CTNNA3: variants seen among roughly 807,000 people sequenced by gnomAD.
CTNNA3 encodes the protein catenin alpha-3.
Under a neutral mutation model 95.7 loss-of-function variants are expected in CTNNA3, and 76 were observed. That is an observed-to-expected ratio of 0.79 (90% CI 0.66 to 0.96). The LOEUF is 0.96. CTNNA3 is among the 40% of genes least tolerant of loss of function. CTNNA3 has a pLI of 0.00. For missense variants in CTNNA3, 1,191 were observed against 1,089.8 expected, an observed-to-expected ratio of 1.09 and a Z score of -1.31; for synonymous variants, 431 against 374.4, an observed-to-expected ratio of 1.15 and a Z score of -1.74.
intron 13 of CTNNA3, among the ~76,000 whole-genome samples, chr10:66,157,499 A>C (rs757148845): frequency 4.4e-5 from 1 of 22,720 alleles, no homozygotes; most frequent in African/African-American, 1.2e-4. Flanking sequence ...ATGTAGATAG[A>C]TAGATAGATA....
chr10:66,073,287 A>G (rs2080479188), intron 14 of CTNNA3, among the ~76,000 whole-genome samples: 1 of 152,266 alleles, frequency 6.6e-6, no homozygotes, highest in East Asian at 1.9e-4. Flanking sequence ...CACCACAAAG[A>G]TGATAACTGT....
intron 7 of CTNNA3, among the ~76,000 whole-genome samples, chr10:67,006,513 T>C (rs7907118): frequency 1.2e-4 from 16 of 138,828 alleles, no homozygotes; most frequent in African/African-American, 4.2e-4. Context: ...AGCTTTTTCC[T>C]GGGACAAATC....
At chr10:67,683,891 G>A (rs759784183) in intron 1 of CTNNA3, among the ~76,000 whole-genome samples, 7 of 152,286 alleles carry the variant, frequency 4.6e-5, no homozygotes, top group South Asian at 2.1e-4. Flanking sequence ...TGTTCCTCCC[G>A]ATGGGTTCAC....
At chr10:66,459,888 ATTAT>A (rs1272913120) in intron 11 of CTNNA3, among the ~76,000 whole-genome samples, 9 of 152,148 alleles carry the variant, frequency 5.9e-5, no homozygotes, top group Admixed American at 2.0e-4. Flanking sequence ...GCATTTAGTA[ATTAT>A]TTATTTATTT....
intron 14 of CTNNA3, among the ~76,000 whole-genome samples, chr10:66,090,965 T>A (rs766183269): frequency 4.6e-5 from 7 of 151,988 alleles, no homozygotes; most frequent in Non-Finnish European, 8.8e-5. Flanking sequence ...ATTTTTAGAA[T>A]ATTAGAAAGC....
chr10:67,154,151 T>C (rs1490847644), intron 7 of CTNNA3, among the ~76,000 whole-genome samples: 1 of 152,186 alleles, frequency 6.6e-6, no homozygotes, highest in Non-Finnish European at 1.5e-5. Context: ...CTATACATAT[T>C]ATAAGTTAAT....
chr10:65,975,491 G>A (rs1039126162), intron 16 of CTNNA3, among the ~76,000 whole-genome samples: 2 of 151,994 alleles, frequency 1.3e-5, no homozygotes, highest in Non-Finnish European at 2.9e-5. Flanking sequence ...CACATGCTAT[G>A]GAAACTAATT....
intron 7 of CTNNA3, among the ~76,000 whole-genome samples, chr10:66,813,077 A>G (rs1841943961): frequency 6.6e-6 from 1 of 152,174 alleles, no homozygotes; most frequent in South Asian, 2.1e-4. Context: ...CAGACTGGCT[A>G]TTACAAATTT....
intron 13 of CTNNA3, among the ~76,000 whole-genome samples, chr10:66,112,197 G>A (rs2082146148): frequency 6.6e-6 from 1 of 152,070 alleles, no homozygotes; most frequent in Admixed American, 6.6e-5. Context: ...GCCACCAGAG[G>A]GAGAAGGCAT....
At chr10:67,114,319 G>C (rs187457927) in intron 7 of CTNNA3, among the ~76,000 whole-genome samples, 2 of 151,942 alleles carry the variant, frequency 1.3e-5, no homozygotes, top group Admixed American at 6.6e-5. Context: ...CTTAGACAAG[G>C]TTCTGGATTA....
intron 7 of CTNNA3, among the ~76,000 whole-genome samples, chr10:67,035,042 T>G (rs1183434281): frequency 6.6e-6 from 1 of 152,206 alleles, no homozygotes; most frequent in Non-Finnish European, 1.5e-5. Flanking sequence ...CAGTTAGAAG[T>G]GCTCACTGTA....
chr10:66,033,328 G>A (rs887640259), intron 15 of CTNNA3, among the ~76,000 whole-genome samples: 11 of 151,670 alleles, frequency 7.3e-5, no homozygotes, highest in African/African-American at 2.7e-4. Context: ...GTAGAGACAG[G>A]GTTTCACCAT....
At chr10:67,685,797 T>A (rs1840720398) in intron 1 of CTNNA3, among the ~76,000 whole-genome samples, 1 of 152,202 alleles carries the variant, frequency 6.6e-6, no homozygotes, top group Non-Finnish European at 1.5e-5. Flanking sequence ...CATCTGTCTG[T>A]CTCTTTCTCT....
chr10:66,562,482 T>C (rs184988098), intron 10 of CTNNA3, among the ~76,000 whole-genome samples: 12 of 152,156 alleles, frequency 7.9e-5, no homozygotes, highest in African/African-American at 1.9e-4. Context: ...AGTCCTCCTC[T>C]ATCCTTTACT....
chr10:66,394,550 TA>T (rs71035137), intron 11 of CTNNA3, among the ~76,000 whole-genome samples: 26,047 of 127,978 alleles, frequency 0.2, 2,930 homozygotes, highest in African/African-American at 0.36. Context: ...AGCACTGGGT[TA>T]AAAAAAAAAA....
intron 12 of CTNNA3, among the ~76,000 whole-genome samples, chr10:66,331,368 TTTTG>T (rs2092328320): frequency 9.1e-6 from 1 of 110,144 alleles, no homozygotes; most frequent in East Asian, 2.8e-4. Flanking sequence ...TTTTTTTTTT[TTTTG>T]AGACGGAGTT....
intron 1 of CTNNA3, among the ~76,000 whole-genome samples, chr10:67,709,911 A>G (rs543394370): frequency 1.3e-5 from 2 of 152,290 alleles, no homozygotes; most frequent in Admixed American, 1.3e-4. Context: ...ATTCTTCTTT[A>G]TCAATGCTTT....
chr10:66,231,976 C>G (rs1344626415), intron 13 of CTNNA3, among the ~76,000 whole-genome samples: 1 of 152,154 alleles, frequency 6.6e-6, no homozygotes, highest in Admixed American at 6.5e-5. Context: ...TTCTGTTTCA[C>G]CATCTAAACA....
In CTNNA3 at chr10:66,255,653, T is replaced by C. The variant is rs116724278; in HGVS notation, c.1884+24817A>G. 1.9e-3 allele frequency among the ~76,000 whole-genome samples: 288 copies of C among 152,268 alleles called. 3 individuals carry two copies. The highest frequency in any genetic ancestry group is 6.6e-3 in the African/African-American group (274 of 41,544). On this transcript the variant is annotated intron_variant, in intron 13 of 17. Transcript: ENST00000433211. ...TCATCACCCTCTCCCCATAAACAGA[T>C]ACTTTATCCTCCTCATATACTTGCA...
Sources: gnomAD v4.1 joint callset for allele counts (sites outside exome capture counted in the v4.1 genomes callset) on GRCh38, gnomAD v4.1.1 for gene constraint, MANE v1.5 for transcripts, NCBI Gene and HGNC (gene_info 2026-07-23, HGNC 2026-07-21) for gene names.